PRKDC: variants seen among roughly 807,000 people sequenced by gnomAD.
PRKDC encodes DNA-dependent protein kinase catalytic subunit.
PRKDC carries 82 observed loss-of-function variants against 486.9 expected under a neutral mutation model. The observed-to-expected ratio is 0.17, with a 90% CI of 0.14 to 0.20. The LOEUF (loss-of-function observed/expected upper bound fraction) is 0.20. Among genes scored for constraint, PRKDC ranks in the 10% least tolerant of loss-of-function variants. The probability of loss-of-function intolerance (pLI) is 1.00; values close to 1 mark genes in which losing one functional copy is unlikely to be tolerated. For synonymous variants in PRKDC, 1,895 were observed against 1,837.0 expected, an observed-to-expected ratio of 1.03 and a Z score of -0.81; for missense variants, 4,504 against 5,038.2, an observed-to-expected ratio of 0.89 and a Z score of 3.21.
chr8:47,778,527 T>C lies in PRKDC; in HGVS notation c.11785A>G (p.Met3929Val). Residue 3929 changes from methionine (M) to valine (V), a missense_variant, in exon 83 of 86, where the codon ATG (methionine) becomes GTG (valine). Met to Val is a conservative substitution (Grantham distance 21). Transcript: ENST00000314191. ...ACGCCGCCAGTCTCCATGGCCACCATAAAGTTGTTCAGATGTCTGTCTCCA... is the reference window on the plus strand; with the variant it reads ...ACGCCGCCAGTCTCCATGGCCACCACAAAGTTGTTCAGATGTCTGTCTCCA... ...GIGDRHLNNFMVAMETGGVIG... is the reference protein window; with the variant it reads ...GIGDRHLNNFVVAMETGGVIG... 1 of 1,613,820 alleles carries C rather than the reference T, an allele frequency of 6.2e-7. No homozygotes were observed. The highest frequency in any genetic ancestry group is 1.1e-5 in the South Asian group (1 of 91,032).
In PRKDC at chr8:47,900,387, T is replaced by A. The variant is rs746714987; in HGVS notation, c.3350A>T (p.Asp1117Val). ...GCAAAACGTACCTAAGGACTTCTCA[T>A]CTGCATGTGCTAAGGCCAGACTCTC... ...YMESLALAHA[D>V]EKSLGTIQQC... Residue 1117 changes from aspartate to valine, a missense_variant, in exon 28 of 86, where the codon GAT (aspartate) becomes GTT (valine). Coordinates refer to ENST00000314191, the MANE Select transcript of PRKDC (RefSeq NM_006904.7). The A allele has an allele frequency of 1.2e-6, 2 of 1,608,752 alleles. No individual in the cohort carries two copies.
chr8:47,823,835 A>G (rs1294958923), intron 64 of PRKDC, 23 bp downstream of exon 64: 1 of 1,610,590 alleles, frequency 6.2e-7, no homozygotes, highest in African/African-American at 1.3e-5. Context: ...TAAATGTCAT[A>G]TTTTGCCAGA....
chr8:47,806,719 G>C (rs2087222062), intron 69 of PRKDC, among the ~76,000 whole-genome samples: 1 of 152,162 alleles, frequency 6.6e-6, no homozygotes, highest in African/African-American at 2.4e-5. Context: ...TAACTAACTG[G>C]TAAGGATTCA....
chr8:47,806,004 G>C (rs778824314), intron 69 of PRKDC, among the ~76,000 whole-genome samples: 1 of 152,080 alleles, frequency 6.6e-6, no homozygotes, highest in African/African-American at 2.4e-5. Context: ...TCCTGATCCC[G>C]GTAAGGATGC....
Position 47,782,732 on chromosome 8 carries a change from G to T in PRKDC, c.11176-134C>A, listed in dbSNP as rs767769432. 5.5e-6 allele frequency: 5 copies of T among 908,812 alleles called. No individual in the cohort carries two copies. Among genetic ancestry groups the T allele is most frequent in the Admixed American group, 5.4e-5 (2 of 37,198 alleles). 56.3% of individuals were successfully genotyped at this position (908,812 alleles called of 1,614,324 possible). The stretch of plus-strand genomic sequence containing the variant: ...ACAGTGCCAAAGAGCAGAGCGCCCA[G>T]GCCAGCAACGAATTTCTGCTACCTG... On this transcript the variant is annotated intron_variant, in intron 78 of 85. Transcript: ENST00000314191. The surrounding 1 kb of genome is among the most constrained non-coding windows in gnomAD (Gnocchi z 4.9).
chr8:47,821,998 C>G (rs1057411982), intron 64 of PRKDC, among the ~76,000 whole-genome samples: 5 of 152,114 alleles, frequency 3.3e-5, no homozygotes, highest in Non-Finnish European at 7.4e-5. Context: ...AATAGAAAAA[C>G]CCAGCTGGGC....
At chr8:47,905,773 G>A (rs1212156010) in intron 25 of PRKDC, among the ~76,000 whole-genome samples, 1 of 152,124 alleles carries the variant, frequency 6.6e-6, no homozygotes, top group Non-Finnish European at 1.5e-5. Context: ...AGGATCCTAG[G>A]TCTAATCTTC....
rs998041501 is a variant in PRKDC at position 47,826,775 on chromosome 8, C to T, written c.8664G>A (p.Val2888=). The stretch of plus-strand genomic sequence containing the variant: ...GAGCCTCCTCTAGCAGGCGGATGCC[C>T]ACGGGCTGCTGTAGGCTGGCCAGGC... The part of the protein sequence containing the change: ...AGCLASLQQP[V]GIRLLEEALL... Residue 2888 remains valine (V), a synonymous_variant, in exon 63 of 86, where the codon GTG becomes GTA. Transcript: ENST00000314191. 3.1e-6 allele frequency: 5 copies of T among 1,611,556 alleles called. No individual in the cohort carries two copies. Among genetic ancestry groups the T allele is most frequent in the Non-Finnish European group, 4.2e-6 (5 of 1,179,136 alleles).
Position 47,913,940 on chromosome 8 carries a change from G to C in PRKDC, c.2742C>G (p.Val914=). ...VIFLDVFLPR[V]TELALTASDR... is the part of the protein sequence containing the mutation. ...CACTGGCTGTGAGCGCTAATTCTGT[G>C]ACTCGAGGCAGGAACACATCCAGGA... Residue 914 remains valine, a synonymous_variant, in exon 24 of 86, where the codon GTC becomes GTG. Coordinates refer to ENST00000314191, the MANE Select transcript of PRKDC (RefSeq NM_006904.7). 1 of 1,611,352 alleles carries C rather than the reference G, an allele frequency of 6.2e-7. No homozygotes were observed. Among genetic ancestry groups the C allele is most frequent in the Non-Finnish European group, 8.5e-7 (1 of 1,178,696 alleles).
At position 47,823,851 on chromosome 8, in the gene PRKDC, A is replaced by G. The variant is rs2087664444; in HGVS notation, c.8922+7T>C. 3 of 1,612,982 alleles carry G rather than the reference A, an allele frequency of 1.9e-6. No individual in the cohort carries two copies. The highest frequency in any genetic ancestry group is 4.5e-5 in the East Asian group (2 of 44,844). On this transcript the variant is annotated splice_region_variant and intron_variant, in intron 64 of 85. Transcript: ENST00000314191. ...AAATGTCATATTTTGCCAGAGATCA[A>G]TTTTACCTCATCATACTGCTTAGCA...
intron 50 of PRKDC, among the ~76,000 whole-genome samples, chr8:47,854,560 T>C (rs1411086963): frequency 1.3e-5 from 2 of 152,084 alleles, no homozygotes; most frequent in Non-Finnish European, 2.9e-5. Flanking sequence ...CAGGATGGTC[T>C]CGATCTCCTG....
At position 47,957,441 on chromosome 8, in the gene PRKDC, A is replaced by G; in HGVS notation, c.155-10T>C. 6.4e-7 allele frequency: 1 copy of G among 1,563,998 alleles called. No homozygotes were observed. Among genetic ancestry groups the G allele is most frequent in the Non-Finnish European group, 8.7e-7 (1 of 1,152,470 alleles). ...AAAGATGTCTGTAATGCTGTTCAAAAAAATAAGTAAACAAGTTAAGAGAGT... is the reference window on the plus strand; with the variant it reads ...AAAGATGTCTGTAATGCTGTTCAAAGAAATAAGTAAACAAGTTAAGAGAGT... On this transcript the variant is annotated splice_polypyrimidine_tract_variant and intron_variant, in intron 1 of 85. Coordinates refer to ENST00000314191, the MANE Select transcript of PRKDC (RefSeq NM_006904.7).
intron 74 of PRKDC, 98 bp from the exon 75 acceptor site, chr8:47,789,336 T>A (rs137958332): frequency 5.8e-6 from 2 of 346,784 alleles, no homozygotes; most frequent in African/African-American, 4.4e-5. Flanking sequence ...ATATTATACA[T>A]ATATAAAATA....
intron 7 of PRKDC, among the ~76,000 whole-genome samples, chr8:47,952,442 T>C (rs2090640041): frequency 1.3e-5 from 2 of 152,222 alleles, no homozygotes; most frequent in Admixed American, 1.3e-4. Context: ...TGAAGGGTTA[T>C]CAGGTGGCCA....
chr8:47,855,498 T>C (rs1233058105), intron 49 of PRKDC, 125 bp from the exon 50 acceptor site: 1 of 1,039,758 alleles, frequency 9.6e-7, no homozygotes, highest in South Asian at 1.8e-5. Flanking sequence ...TTGAAAGCCC[T>C]GTGATTTTTC....
At chr8:47,845,480 C>T (rs1398444152) in intron 54 of PRKDC, among the ~76,000 whole-genome samples, 1 of 152,026 alleles carries the variant, frequency 6.6e-6, no homozygotes, top group Non-Finnish European at 1.5e-5. Flanking sequence ...GATCCCACAG[C>T]AATACAAAAG....
chr8:47,782,734 C>A lies in PRKDC; in HGVS notation c.11176-136G>T. On this transcript the variant is annotated intron_variant, in intron 78 of 85. Coordinates refer to ENST00000314191, the MANE Select transcript of PRKDC (RefSeq NM_006904.7). The surrounding 1 kb of genome is among the most constrained non-coding windows in gnomAD (Gnocchi z 4.9). Reference sequence around the variant, plus strand: ...AGTGCCAAAGAGCAGAGCGCCCAGGCCAGCAACGAATTTCTGCTACCTGCT... The same window carrying A: ...AGTGCCAAAGAGCAGAGCGCCCAGGACAGCAACGAATTTCTGCTACCTGCT... The A allele has an allele frequency of 1.1e-6, 1 of 905,914 alleles. No individual in the cohort carries two copies. The highest frequency in any genetic ancestry group is 1.6e-6 in the Non-Finnish European group (1 of 610,934). 56.1% of individuals were successfully genotyped at this position (905,914 alleles called of 1,614,324 possible).
At chr8:47,898,393 T>G in intron 29 of PRKDC, 77 bp downstream of exon 29, 1 of 1,174,528 alleles carries the variant, frequency 8.5e-7, no homozygotes, top group East Asian at 2.6e-5. Flanking sequence ...CACAGATCCA[T>G]CCCAGGTTGT....
chr8:47,818,354 C>G (rs528302421), intron 67 of PRKDC, among the ~76,000 whole-genome samples: 1 of 151,740 alleles, frequency 6.6e-6, no homozygotes, highest in African/African-American at 2.4e-5. Context: ...CCGAGGCGGG[C>G]GGATCACGAG....
Sources: gnomAD v4.1 joint callset for allele counts (sites outside exome capture counted in the v4.1 genomes callset) on GRCh38, gnomAD v4.1.1 for gene constraint, Gnocchi (gnomAD v3.1) non-coding constraint, MANE v1.5 for transcripts, NCBI Gene and HGNC (gene_info 2026-07-23, HGNC 2026-07-21) for gene names.